The following PTPRD variants were observed in gnomAD, a reference collection of about 807,000 sequenced individuals.
The protein encoded by PTPRD is receptor-type tyrosine-protein phosphatase delta.
In PTPRD, 34 loss-of-function variants were observed where a neutral mutation model predicts 214.5. The observed-to-expected ratio is 0.16, with a 90% CI of 0.12 to 0.21. PTPRD has a LOEUF of 0.21. Ranked by LOEUF, PTPRD falls within the 10% of genes least tolerant of loss-of-function variation. The pLI is 1.00. For synonymous variants in PTPRD, 1,128 were observed against 845.7 expected, an observed-to-expected ratio of 1.33 and a Z score of -5.79; for missense variants, 2,545 against 2,398.7, an observed-to-expected ratio of 1.06 and a Z score of -1.27.
chr9:9,829,904 A>G (rs1030880936), intron 5 of PTPRD, among the ~76,000 whole-genome samples: 5 of 151,760 alleles, frequency 3.3e-5, no homozygotes, highest in African/African-American at 1.2e-4. Flanking sequence ...AGCCCCTACA[A>G]ATAATCATAG....
intron 7 of PTPRD, among the ~76,000 whole-genome samples, chr9:9,666,977 T>C (rs10759086): frequency 0.37 from 56,543 of 151,850 alleles, 11,017 homozygotes; most frequent in Admixed American, 0.5. Context: ...TTATTAAAAA[T>C]AGACTAAAGT....
intron 21 of PTPRD, among the ~76,000 whole-genome samples, chr9:8,511,056 C>T (rs2097669541): frequency 6.6e-6 from 1 of 150,900 alleles, no homozygotes; most frequent in Admixed American, 6.6e-5. Flanking sequence ...AAATATTTAC[C>T]TACATTTTAT....
chr9:10,461,399 T>C (rs1317380005), intron 2 of PTPRD, among the ~76,000 whole-genome samples: 2 of 151,974 alleles, frequency 1.3e-5, no homozygotes, highest in African/African-American at 2.4e-5. Context: ...CCTATGTTCA[T>C]TGTAGCTTTA....
At position 9,677,675 on chromosome 9, in the gene PTPRD, C is replaced by G. The variant is rs1404059756; in HGVS notation, c.-287+56858G>C. ...AACTGGCACAAGACAGGGATGCCCTCTCTCACCACTCCTATTCAACATAGT... is the reference window on the plus strand; with the variant it reads ...AACTGGCACAAGACAGGGATGCCCTGTCTCACCACTCCTATTCAACATAGT... On this transcript the variant is annotated intron_variant, in intron 7 of 45. Transcript: ENST00000381196. 2.6e-5 allele frequency among the ~76,000 whole-genome samples: 4 copies of G among 152,120 alleles called. No homozygotes were observed. The East Asian group carries it at 5.8e-4, about 22-fold the overall frequency.
intron 3 of PTPRD, among the ~76,000 whole-genome samples, chr9:10,180,587 C>A (rs1406590204): frequency 7.9e-5 from 8 of 101,752 alleles, no homozygotes; most frequent in African/African-American, 7.9e-5. Flanking sequence ...ACTTTGATAC[C>A]AAAACCAGAT....
Position 9,915,327 on chromosome 9 carries a change from A to T in PTPRD, c.-368+23180T>A, listed in dbSNP as rs529229592. 4.1e-4 allele frequency among the ~76,000 whole-genome samples: 62 copies of T among 152,212 alleles called. 1 individual carries two copies. Among genetic ancestry groups the T allele is most frequent in the South Asian group, 2.1e-4 (1 of 4,826 alleles). ...ATGTAGGAACACATCAAACATAAAA[A>T]ACAAAGGAAACATGACATCTCCAAA... On this transcript the variant is annotated intron_variant, in intron 5 of 45. Transcript: ENST00000381196.
chr9:8,888,822 CT>C (rs2098513223), intron 11 of PTPRD, among the ~76,000 whole-genome samples: 7 of 152,170 alleles, frequency 4.6e-5, no homozygotes, highest in Admixed American at 4.6e-4. Context: ...AGAACACAGA[CT>C]TTGGAGTCCA....
At chr9:10,292,378 C>T (rs1192932828) in intron 3 of PTPRD, among the ~76,000 whole-genome samples, 1 of 151,988 alleles carries the variant, frequency 6.6e-6, no homozygotes, top group Non-Finnish European at 1.5e-5. Context: ...CTGACATCAC[C>T]CTTATAAAAA....
intron 39 of PTPRD, among the ~76,000 whole-genome samples, chr9:8,375,660 T>C (rs772000441): frequency 2.0e-5 from 3 of 152,128 alleles, no homozygotes; most frequent in Non-Finnish European, 2.9e-5. Context: ...TACATATTTA[T>C]AGCCATGTGC....
chr9:9,766,084 G>C (rs142341334), intron 6 of PTPRD, among the ~76,000 whole-genome samples: 2 of 152,112 alleles, frequency 1.3e-5, no homozygotes, highest in Non-Finnish European at 2.9e-5. Context: ...CCTCCTTCAC[G>C]ACTGTCCTCA....
At chr9:8,713,593 C>G in intron 12 of PTPRD, 2 of 1,522,604 alleles carry the variant, frequency 1.3e-6, no homozygotes, top group Admixed American at 3.3e-5. Flanking sequence ...CAACATGTAC[C>G]GGGAATACCG....
intron 8 of PTPRD, among the ~76,000 whole-genome samples, chr9:9,513,311 T>C (rs771094331): frequency 3.9e-5 from 6 of 151,996 alleles, no homozygotes; most frequent in Admixed American, 1.3e-4. Flanking sequence ...CAGTTCATGC[T>C]AATATCTTTG....
chr9:9,091,377 A>T (rs2099775595), intron 10 of PTPRD: 1 of 687,688 alleles, frequency 1.5e-6, no homozygotes, highest in Non-Finnish European at 2.6e-6. Context: ...GTAAATCTCC[A>T]ATCACCTTAT....
At chr9:9,717,523 C>T (rs1260598765) in intron 7 of PTPRD, among the ~76,000 whole-genome samples, 1 of 152,152 alleles carries the variant, frequency 6.6e-6, no homozygotes, top group Admixed American at 6.5e-5. Flanking sequence ...AAAACTCACT[C>T]ATTTTGTTTA....
chr9:8,922,744 T>G (rs1334250949), intron 11 of PTPRD, among the ~76,000 whole-genome samples: 1 of 151,992 alleles, frequency 6.6e-6, no homozygotes, highest in Non-Finnish European at 1.5e-5. Flanking sequence ...CCTCCCGGGT[T>G]CAAGCAATTC....
At chr9:9,786,198 C>T (rs1308923612) in intron 5 of PTPRD, among the ~76,000 whole-genome samples, 1 of 152,126 alleles carries the variant, frequency 6.6e-6, no homozygotes, top group African/African-American at 2.4e-5. Context: ...ATTTGCCATG[C>T]ACTGAAGCAG....
Position 8,712,734 on chromosome 9 carries a change from G to A in PTPRD, c.64+21046C>T, listed in dbSNP as rs557899538. 6.0e-5 allele frequency among the ~76,000 whole-genome samples: 9 copies of A among 150,870 alleles called. No homozygotes were observed. The East Asian group carries it at 1.4e-3, about 23-fold the overall frequency. On this transcript the variant is annotated intron_variant, in intron 12 of 45. Coordinates refer to ENST00000381196, the MANE Select transcript of PTPRD (RefSeq NM_002839.4). Reference sequence around the variant, plus strand: ...TATCAATTCTTTTTTGGGGGGTGGGGGGCATGGACTTTCCCTCCTTGTTGC... The same window carrying A: ...TATCAATTCTTTTTTGGGGGGTGGGAGGCATGGACTTTCCCTCCTTGTTGC...
At chr9:8,824,610 A>C (rs1236547131) in intron 11 of PTPRD, among the ~76,000 whole-genome samples, 1 of 152,226 alleles carries the variant, frequency 6.6e-6, no homozygotes, top group Non-Finnish European at 1.5e-5. Context: ...AAGTTATTTT[A>C]AGTAAACTAA....
At chr9:8,943,147 G>A (rs2154296404) in intron 11 of PTPRD, among the ~76,000 whole-genome samples, 1 of 152,106 alleles carries the variant, frequency 6.6e-6, no homozygotes, top group Admixed American at 6.6e-5. Flanking sequence ...ACAAAAAATG[G>A]AAAGATATTC....
Sources: allele counts gnomAD v4.1 joint callset (sites outside exome capture counted in the v4.1 genomes callset), GRCh38; gene constraint gnomAD v4.1.1; transcripts MANE v1.5; gene names NCBI Gene and HGNC (gene_info 2026-07-23, HGNC 2026-07-21).